The following RERE variants were observed in gnomAD, a reference collection of about 807,000 sequenced individuals.
The protein encoded by RERE is arginine-glutamic acid dipeptide repeats protein.
Under a neutral mutation model 146.1 loss-of-function variants are expected in RERE, and 40 were observed. The ratio of observed to expected loss-of-function variants is 0.27; its 90% CI spans 0.21 to 0.36. The LOEUF (loss-of-function observed/expected upper bound fraction) is 0.36. Among genes scored for constraint, RERE ranks in the 10% least tolerant of loss-of-function variants. The probability of loss-of-function intolerance (pLI) is 1.00; values close to 1 mark genes in which losing one functional copy is unlikely to be tolerated. For missense variants in RERE, 1,933 were observed against 2,138.7 expected, an observed-to-expected ratio of 0.90 and a Z score of 1.90; for synonymous variants, 1,003 against 866.0, an observed-to-expected ratio of 1.16 and a Z score of -2.78.
At chr1:8,566,301 G>C (rs555259387) in intron 4 of RERE, among the ~76,000 whole-genome samples, 22 of 152,196 alleles carry the variant, frequency 1.4e-4, no homozygotes, top group African/African-American at 5.3e-4. Flanking sequence ...TTAAAACAAG[G>C]GGCAGGTAGA....
At chr1:8,586,016 C>G (rs1178140409) in intron 4 of RERE, among the ~76,000 whole-genome samples, 2 of 152,158 alleles carry the variant, frequency 1.3e-5, no homozygotes, top group African/African-American at 4.8e-5. Flanking sequence ...AGACCTGAGT[C>G]TCATCAAACC....
chr1:8,422,727 T>C lies in RERE; in HGVS notation c.1284A>G (p.Thr428=), dbSNP rs1643928137. 3.1e-6 allele frequency: 5 copies of C among 1,609,066 alleles called. No homozygotes were observed. The highest frequency in any genetic ancestry group is 4.3e-6 in the Non-Finnish European group (5 of 1,175,376). Residue 428 remains threonine, a splice_region_variant and synonymous_variant, in exon 12 of 23, where the codon ACA becomes ACG. Transcript: ENST00000400908. ...TTACATAAAGTCCAATTGTACTCAC[T>C]GTTTCCTTATTGGGAAGCAGCTCCT... ...IRKELLPNKE[T]GELITFYYYW... is the part of the protein sequence containing the mutation.
rs72639688 is a variant in RERE at position 8,700,477 on chromosome 1, A to C, written c.-144-44036T>G. Among the ~76,000 whole-genome samples the C allele has an allele frequency of 1.3e-4, 20 of 152,194 alleles. 1 individual carries two copies. The highest frequency in any genetic ancestry group is 3.4e-3 in the Middle Eastern group (1 of 294). ...CTGAAAAGACTCAAATCTACTCATA[A>C]ATACTTTCTAATAACTTGAAACAAT... On this transcript the variant is annotated intron_variant, in intron 1 of 22. Transcript: ENST00000400908.
intron 2 of RERE, 99 bp downstream of exon 2, chr1:8,655,874 G>A: frequency 6.6e-7 from 1 of 1,512,564 alleles, no homozygotes; most frequent in South Asian, 1.4e-5. Context: ...TAGATTCCAA[G>A]CCTTCCTTAA....
At chr1:8,564,870 GTATA>G (rs61426432) in intron 4 of RERE, among the ~76,000 whole-genome samples, 1,640 of 127,316 alleles carry the variant, frequency 0.013, 38 homozygotes, top group African/African-American at 0.051. Flanking sequence ...GTGTGTGTGT[GTATA>G]TATATATATA....
chr1:8,380,382 T>C (rs1642405027), intron 12 of RERE, among the ~76,000 whole-genome samples: 7 of 149,794 alleles, frequency 4.7e-5, no homozygotes, highest in Admixed American at 4.7e-4. Context: ...AGAGCCTTGC[T>C]CTGTTGCCCA....
intron 7 of RERE, among the ~76,000 whole-genome samples, chr1:8,540,876 T>C (rs72867548): frequency 1.2e-3 from 185 of 152,340 alleles, no homozygotes; most frequent in African/African-American, 3.3e-3. Context: ...CTTGACAGAA[T>C]GTGAATCAGG....
chr1:8,373,809 C>T (rs1325069914), intron 12 of RERE, among the ~76,000 whole-genome samples: 1 of 152,190 alleles, frequency 6.6e-6, no homozygotes, highest in African/African-American at 2.4e-5. Flanking sequence ...GGTGAGAAGC[C>T]GGGCACTGGG....
intron 4 of RERE, among the ~76,000 whole-genome samples, chr1:8,608,295 G>A (rs929777438): frequency 1.3e-5 from 2 of 152,126 alleles, no homozygotes; most frequent in Non-Finnish European, 2.9e-5. Flanking sequence ...TTGAGTCCAG[G>A]AGTTCAAGAC....
At chr1:8,531,820 T>A (rs894675966) in intron 7 of RERE, among the ~76,000 whole-genome samples, 19 of 152,222 alleles carry the variant, frequency 1.2e-4, no homozygotes, top group Non-Finnish European at 2.6e-4. Context: ...GATGATTGCA[T>A]GGGTACAAAA....
chr1:8,609,615 T>C (rs943418609), intron 4 of RERE, among the ~76,000 whole-genome samples: 1 of 152,108 alleles, frequency 6.6e-6, no homozygotes, highest in African/African-American at 2.4e-5. Context: ...GAAAAAGCAA[T>C]ATAGCCTCTC....
At chr1:8,727,643 G>A (rs1019746388) in intron 1 of RERE, among the ~76,000 whole-genome samples, 4 of 152,202 alleles carry the variant, frequency 2.6e-5, no homozygotes, top group Non-Finnish European at 4.4e-5. Context: ...ACAGGCACGC[G>A]CCACCACGTC....
At chr1:8,405,930 C>T (rs1198421787) in intron 12 of RERE, among the ~76,000 whole-genome samples, 4 of 152,068 alleles carry the variant, frequency 2.6e-5, no homozygotes, top group African/African-American at 7.2e-5. Context: ...CCACCGCAGC[C>T]GGCCTGATTT....
intron 4 of RERE, among the ~76,000 whole-genome samples, chr1:8,595,519 TTATG>T (rs1374865136): frequency 6.6e-6 from 1 of 151,636 alleles, no homozygotes; most frequent in African/African-American, 2.4e-5. Flanking sequence ...TTTATGTATT[TTATG>T]TATTTATTTT....
chr1:8,492,313 G>T lies in RERE; in HGVS notation c.1104+2750C>A, dbSNP rs552712635. On this transcript the variant is annotated intron_variant, in intron 10 of 22. Transcript: ENST00000400908. Reference sequence around the variant, plus strand: ...GAAGTATGGTCTACAGAATTCTTAAGAGAGTTTGGAATAAAAAGGGGAATA... The same window carrying T: ...GAAGTATGGTCTACAGAATTCTTAATAGAGTTTGGAATAAAAAGGGGAATA... Among the ~76,000 whole-genome samples, 4 of 152,312 alleles carry T rather than the reference G, an allele frequency of 2.6e-5. No individual in the cohort carries two copies. The East Asian group carries it at 7.7e-4, about 29-fold the overall frequency.
intron 8 of RERE, among the ~76,000 whole-genome samples, chr1:8,501,841 T>C (rs1645164626): frequency 9.9e-6 from 1 of 101,112 alleles, no homozygotes; most frequent in Non-Finnish European, 2.0e-5. Flanking sequence ...TACTGGGAAG[T>C]GAGGACCCCT....
chr1:8,497,615 A>G (rs1159828072), intron 8 of RERE, 86 bp from the exon 9 acceptor site: 2 of 1,415,688 alleles, frequency 1.4e-6, no homozygotes, highest in East Asian at 4.6e-5. Context: ...AGGAACATAT[A>G]CAATGTTTTA....
At chr1:8,595,158 CA>C (rs1050957833) in intron 4 of RERE, among the ~76,000 whole-genome samples, 1,930 of 66,344 alleles carry the variant, frequency 0.029, 24 homozygotes, top group African/African-American at 0.089. Flanking sequence ...AGACCGTGTC[CA>C]AAAAAAAAAA....
At chr1:8,676,745 C>T (rs1296321060) in intron 1 of RERE, among the ~76,000 whole-genome samples, 2 of 152,150 alleles carry the variant, frequency 1.3e-5, no homozygotes, top group Non-Finnish European at 1.5e-5. Context: ...GGGATGAGTA[C>T]CAAATAGGGC....
Sources: allele counts gnomAD v4.1 joint callset (sites outside exome capture counted in the v4.1 genomes callset), GRCh38; gene constraint gnomAD v4.1.1; transcripts MANE v1.5; gene names NCBI Gene and HGNC (gene_info 2026-07-23, HGNC 2026-07-21).